CDH13: variants seen among roughly 807,000 people sequenced by gnomAD.
The protein encoded by CDH13 is cadherin-13.
In CDH13, 24 loss-of-function variants were observed where a neutral mutation model predicts 63.8. That is an observed-to-expected ratio of 0.38 (90% CI 0.27 to 0.53). The LOEUF (loss-of-function observed/expected upper bound fraction) is 0.53, where lower values mean the gene tolerates loss of function less well. Among genes scored for constraint, CDH13 ranks in the 20% least tolerant of loss-of-function variants. The pLI is 0.85. For synonymous variants in CDH13, 503 were observed against 355.3 expected, an observed-to-expected ratio of 1.42 and a Z score of -4.67; for missense variants, 1,049 against 903.1, an observed-to-expected ratio of 1.16 and a Z score of -2.07.
intron 7 of CDH13, among the ~76,000 whole-genome samples, chr16:83,599,252 G>C (rs1016866347): frequency 2.0e-5 from 3 of 152,216 alleles, no homozygotes; most frequent in African/African-American, 7.2e-5. Context: ...AATGCTATGA[G>C]AACTTTATCT....
chr16:82,857,349 T>C (rs1261545359), intron 1 of CDH13, among the ~76,000 whole-genome samples: 3 of 152,234 alleles, frequency 2.0e-5, no homozygotes. Context: ...AGCTTTCATT[T>C]GTTAAGTGTT....
chr16:83,332,860 T>C (rs998100803), intron 5 of CDH13, among the ~76,000 whole-genome samples: 5 of 152,166 alleles, frequency 3.3e-5, no homozygotes, highest in African/African-American at 1.2e-4. Context: ...AAGTCTAGTG[T>C]GATTGTGAGC....
intron 7 of CDH13, among the ~76,000 whole-genome samples, chr16:83,580,707 G>C (rs1429796833): frequency 3.9e-5 from 6 of 151,964 alleles, no homozygotes; most frequent in African/African-American, 1.5e-4. Flanking sequence ...GTGTTGCCTA[G>C]GTTGGTCTTG....
chr16:83,100,443 T>A (rs934747665), intron 3 of CDH13, among the ~76,000 whole-genome samples: 1 of 152,132 alleles, frequency 6.6e-6, no homozygotes, highest in Non-Finnish European at 1.5e-5. Flanking sequence ...GGGTGGTGAA[T>A]TTTTTCATTT....
intron 1 of CDH13, among the ~76,000 whole-genome samples, chr16:82,741,522 C>G (rs370756860): frequency 3.3e-5 from 5 of 152,294 alleles, no homozygotes; most frequent in African/African-American, 1.2e-4. Context: ...TGCTGCTAGC[C>G]TGTGAAATCC....
chr16:83,591,943 C>T (rs1208191845), intron 7 of CDH13, among the ~76,000 whole-genome samples: 1 of 152,294 alleles, frequency 6.6e-6, no homozygotes, highest in Non-Finnish European at 1.5e-5. Context: ...TATAATTTGA[C>T]TTTCAGTCCA....
At chr16:83,602,125 AAAAAAAAAAAAAAAAAAAC>A (rs1322467037) in intron 7 of CDH13, among the ~76,000 whole-genome samples, 3 of 102,004 alleles carry the variant, frequency 2.9e-5, no homozygotes, top group East Asian at 2.3e-4. Context: ...AAAAAAAAAA[AAAAAAAAAAAAAAAAAAAC>A]CCAAAGGACA....
At chr16:83,048,237 CA>C (rs534672794) in intron 3 of CDH13, among the ~76,000 whole-genome samples, 100 of 152,212 alleles carry the variant, frequency 6.6e-4, no homozygotes, top group African/African-American at 2.2e-3. Flanking sequence ...TCCCATTGTA[CA>C]ATAGCCTTGA....
rs573176129 is a variant in CDH13, at chr16:83,028,262, C to T, written c.158-3748C>T. Among the ~76,000 whole-genome samples the T allele has an allele frequency of 3.3e-5, 5 of 152,310 alleles. No individual in the cohort carries two copies. In the South Asian group the frequency reaches 1.0e-3, roughly 32 times the overall value. On this transcript the variant is annotated intron_variant, in intron 2 of 13. Transcript: ENST00000567109. ...ACCTTGGTGTCACTTCTTCATAGTTCACTTCCAAAAACTGAAACTAAGCAT... is the reference window on the plus strand; with the variant it reads ...ACCTTGGTGTCACTTCTTCATAGTTTACTTCCAAAAACTGAAACTAAGCAT...
intron 2 of CDH13, among the ~76,000 whole-genome samples, chr16:82,963,494 C>G (rs967533303): frequency 1.6e-4 from 24 of 152,328 alleles, no homozygotes; most frequent in African/African-American, 5.3e-4. Context: ...ATCACATCCT[C>G]ACACACTCCC....
intron 1 of CDH13, among the ~76,000 whole-genome samples, chr16:82,827,441 C>A (rs1440501925): frequency 6.6e-6 from 1 of 152,066 alleles, no homozygotes; most frequent in Non-Finnish European, 1.5e-5. Context: ...AGAACCTCAC[C>A]AAATGATGGG....
At chr16:83,551,056 A>ATATCTATCTATCTATCTATC (rs61159679) in intron 7 of CDH13, among the ~76,000 whole-genome samples, 22 of 148,474 alleles carry the variant, frequency 1.5e-4, no homozygotes, top group African/African-American at 2.5e-4. Flanking sequence ...TAAGTCATTT[A>ATATCTATCTATCTATCTATC]TATCTATCTA....
intron 2 of CDH13, among the ~76,000 whole-genome samples, chr16:82,903,364 GGTGTTTGACCCT>G (rs1000853582): frequency 6.6e-6 from 1 of 152,196 alleles, no homozygotes; most frequent in African/African-American, 2.4e-5. Flanking sequence ...AGGCTGGGTT[GGTGTTTGACCCT>G]GTGAAGAGCT....
intron 1 of CDH13, among the ~76,000 whole-genome samples, chr16:82,772,696 TCTAA>T (rs1264041538): frequency 1.4e-4 from 22 of 152,224 alleles, no homozygotes; most frequent in Non-Finnish European, 2.6e-4. Flanking sequence ...TCATCCTCAC[TCTAA>T]CTATTATTAT....
chr16:82,787,304 AAAAC>A lies in CDH13; in HGVS notation c.46-71051_46-71048del, dbSNP rs1486878837. Among the ~76,000 whole-genome samples the A allele has an allele frequency of 2.0e-5, 3 of 152,346 alleles. No homozygotes were observed. In the East Asian group the frequency reaches 5.8e-4, roughly 29 times the overall value. On this transcript the variant is annotated intron_variant, in intron 1 of 13. Coordinates refer to ENST00000567109, the MANE Select transcript of CDH13 (RefSeq NM_001257.5). ...CTACTGGTTTGTATTATACTGTCAA[AAAAC>A]AAACAACTTTCCCTAACAAAATAAA...
intron 6 of CDH13, among the ~76,000 whole-genome samples, chr16:83,409,940 T>C (rs573778969): frequency 7.7e-4 from 117 of 152,344 alleles, no homozygotes; most frequent in Non-Finnish European, 1.4e-3. Context: ...AGCTGAGAAA[T>C]GTTTCCAGAA....
intron 7 of CDH13, among the ~76,000 whole-genome samples, chr16:83,532,106 C>G (rs1440525219): frequency 6.6e-6 from 1 of 152,186 alleles, no homozygotes; most frequent in Non-Finnish European, 1.5e-5. Flanking sequence ...AAGAGCTCTT[C>G]TCTTGTCTGC....
chr16:83,020,504 C>G (rs943680456), intron 2 of CDH13, among the ~76,000 whole-genome samples: 22 of 152,324 alleles, frequency 1.4e-4, no homozygotes, highest in African/African-American at 5.1e-4. Context: ...CAAAGCCAAG[C>G]TGTACTCCAC....
At chr16:83,133,381 C>G (rs1019128326) in intron 4 of CDH13, among the ~76,000 whole-genome samples, 1 of 152,016 alleles carries the variant, frequency 6.6e-6, no homozygotes, top group Non-Finnish European at 1.5e-5. Context: ...CCTTGTATTT[C>G]TTTTCACTTT....
Sources: gnomAD v4.1 joint callset for allele counts (sites outside exome capture counted in the v4.1 genomes callset) on GRCh38, gnomAD v4.1.1 for gene constraint, MANE v1.5 for transcripts, NCBI Gene and HGNC (gene_info 2026-07-23, HGNC 2026-07-21) for gene names.